The following POLR3C variants were observed in gnomAD, a reference collection of about 807,000 sequenced individuals.
POLR3C encodes the protein DNA-directed RNA polymerase III subunit RPC3.
POLR3C carries 44 observed loss-of-function variants against 65.9 expected under a neutral mutation model. The ratio of observed to expected loss-of-function variants is 0.67; its 90% CI spans 0.52 to 0.86. POLR3C has a LOEUF of 0.86. POLR3C is among the 40% of genes least tolerant of loss of function. The probability of loss-of-function intolerance (pLI) is 0.00; values close to 1 mark genes in which losing one functional copy is unlikely to be tolerated. For missense variants in POLR3C, 576 were observed against 653.2 expected, an observed-to-expected ratio of 0.88 and a Z score of 1.29; for synonymous variants, 263 against 231.6, an observed-to-expected ratio of 1.14 and a Z score of -1.23.
chr1:145,829,483 T>C (rs1651109789), intron 5 of POLR3C, among the ~76,000 whole-genome samples: 1 of 152,224 alleles, frequency 6.6e-6, no homozygotes, highest in South Asian at 2.1e-4. Context: ...GTTAATGGTC[T>C]CCCTAGCTGC....
chr1:145,836,372 A>T lies in POLR3C; in HGVS notation c.877-122A>T. The T allele has an allele frequency of 5.9e-6, 4 of 680,172 alleles. No individual in the cohort carries two copies. In the East Asian group the frequency reaches 1.0e-4, roughly 17 times the overall value. 42.1% of individuals were successfully genotyped at this position (680,172 alleles called of 1,614,324 possible). A position where few individuals can be genotyped will look rare whatever the true frequency, so the allele number is the denominator to read the frequency against. ...TGACCCAAAGTGATCCACCTGCCTC[A>T]GCCTCCCAAAGTGTTCGGATTACAG... On this transcript the variant is annotated intron_variant, in intron 7 of 14. Coordinates refer to ENST00000334163, the MANE Select transcript of POLR3C (RefSeq NM_006468.8).
intron 12 of POLR3C, 61 bp from the exon 13 acceptor site, chr1:145,840,055 T>C: frequency 6.6e-7 from 1 of 1,514,348 alleles, no homozygotes; most frequent in Non-Finnish European, 9.2e-7. Flanking sequence ...ATGTGCCCAC[T>C]TCGCCCTGAG....
At position 145,843,332 on chromosome 1, in the gene POLR3C, A is replaced by T. The variant is rs1354602014; in HGVS notation, c.*912A>T. On this transcript the variant is annotated 3_prime_UTR_variant, in exon 15 of 15. Transcript: ENST00000334163. The stretch of plus-strand genomic sequence containing the variant: ...TAAATTCTCTCTCTCAGTATCACGG[A>T]TATAATTTGTCCCAGCAGCTTTAAT... Among the ~76,000 whole-genome samples, 2 of 152,164 alleles carry T rather than the reference A, an allele frequency of 1.3e-5. No homozygotes were observed. Among genetic ancestry groups the T allele is most frequent in the Non-Finnish European group, 2.9e-5 (2 of 68,034 alleles).
chr1:145,842,416 A>C lies in POLR3C; in HGVS notation c.1601A>C (p.Gln534Pro). 1.3e-6 allele frequency: 2 copies of C among 1,597,826 alleles called. No individual in the cohort carries two copies. Among genetic ancestry groups the C allele is most frequent in the Non-Finnish European group, 1.7e-6 (2 of 1,165,746 alleles). ...TACATTGAGTGCACCATGAAGAGAC[A>C]GTGATCCAGAAGAAGCATCTTCCTC... ...ESYIECTMKR[Q>P] The change falls in exon 15 of 15, where the codon CAG (glutamine) becomes CCG (proline). Residue 534 changes from glutamine (Q) to proline (P), a missense_variant. Physicochemically the swap from Gln to Pro is moderately conservative, Grantham distance 76. Coordinates refer to ENST00000334163, the MANE Select transcript of POLR3C (RefSeq NM_006468.8).
intron 7 of POLR3C, among the ~76,000 whole-genome samples, chr1:145,834,159 T>C (rs764048021): frequency 5.6e-4 from 85 of 152,188 alleles, no homozygotes; most frequent in Non-Finnish European, 5.3e-4. Context: ...CTGTAGGCAG[T>C]TGTAACGCAG....
intron 5 of POLR3C, among the ~76,000 whole-genome samples, chr1:145,831,947 G>A (rs1651363426): frequency 6.6e-6 from 1 of 151,794 alleles, no homozygotes; most frequent in South Asian, 2.1e-4. Context: ...AGGCTGAGAT[G>A]AGAGGATCAC....
At chr1:145,830,491 T>G (rs1553726842) in intron 5 of POLR3C, among the ~76,000 whole-genome samples, 1 of 151,988 alleles carries the variant, frequency 6.6e-6, no homozygotes, top group African/African-American at 2.4e-5. Flanking sequence ...GATACCCAAG[T>G]TTGTAGCTTA....
intron 9 of POLR3C, 84 bp downstream of exon 9, chr1:145,836,950 T>A: frequency 1.4e-6 from 1 of 717,174 alleles, no homozygotes; most frequent in Non-Finnish European, 2.4e-6. Flanking sequence ...GATTTGGTAA[T>A]GTTTATTATA....
At chr1:145,831,207 A>G (rs1236470765) in intron 5 of POLR3C, among the ~76,000 whole-genome samples, 1 of 152,162 alleles carries the variant, frequency 6.6e-6, no homozygotes, top group Non-Finnish European at 1.5e-5. Context: ...GAGTCTATGC[A>G]TCTGGAGCAT....
chr1:145,833,635 A>C (rs1651538015), intron 7 of POLR3C, 53 bp downstream of exon 7: 1 of 1,176,056 alleles, frequency 8.5e-7, no homozygotes, highest in African/African-American at 1.5e-5. Flanking sequence ...GGTGTTATCA[A>C]CGTTTATTAT....
intron 4 of POLR3C, among the ~76,000 whole-genome samples, chr1:145,828,121 ATGTC>A (rs1476509343): frequency 6.6e-6 from 1 of 152,136 alleles, no homozygotes; most frequent in Non-Finnish European, 1.5e-5. Flanking sequence ...AAATGAAAGA[ATGTC>A]AGTATAGCTA....
At chr1:145,834,534 G>A (rs1416853814) in intron 7 of POLR3C, among the ~76,000 whole-genome samples, 2 of 151,910 alleles carry the variant, frequency 1.3e-5, no homozygotes, top group African/African-American at 4.8e-5. Flanking sequence ...AATTAGCCGG[G>A]CATGGTGGCA....
Position 145,827,931 on chromosome 1 carries a change from A to G in POLR3C, c.590-818A>G, listed in dbSNP as rs1209198138. On this transcript the variant is annotated intron_variant, in intron 4 of 14. Transcript: ENST00000334163. Reference sequence around the variant, plus strand: ...TGACAGAGTGAGACTCTGTCTCGGGAAAAAAAAAAGAAAAGAAAATATATA... The same window carrying G: ...TGACAGAGTGAGACTCTGTCTCGGGGAAAAAAAAAGAAAAGAAAATATATA... Among the ~76,000 whole-genome samples the G allele has an allele frequency of 4.0e-5, 6 of 149,102 alleles. No homozygotes were observed. In the South Asian group the frequency reaches 6.4e-4, roughly 16 times the overall value.
At chr1:145,827,858 A>G (rs1650913797) in intron 4 of POLR3C, among the ~76,000 whole-genome samples, 1 of 151,432 alleles carries the variant, frequency 6.6e-6, no homozygotes, top group African/African-American at 2.4e-5. Flanking sequence ...AACCCAGGAG[A>G]CAGCGATTGC....
At chr1:145,838,289 C>T in intron 11 of POLR3C, 83 bp downstream of exon 11, 1 of 1,069,020 alleles carries the variant, frequency 9.4e-7, no homozygotes. Flanking sequence ...CATACTGAAC[C>T]CCCAAGCAAA....
rs1553725621 is a variant in POLR3C at position 145,825,824 on chromosome 1, T to C, written c.48T>C (p.His16=). ...TCTGTTCTTTGTTGCTGCAAGAGCA[T>C]TTTGGAGAGATTGTAGAAAAAATTG... is the stretch of plus-strand genomic sequence containing the variant. ...IKLCSLLLQE[H]FGEIVEKIGV... The change falls in exon 2 of 15, where the codon CAT becomes CAC. Residue 16 remains histidine, a synonymous_variant. Transcript: ENST00000334163. 1 of 1,613,018 alleles carries C rather than the reference T, an allele frequency of 6.2e-7. No individual in the cohort carries two copies. The highest frequency in any genetic ancestry group is 1.1e-5 in the South Asian group (1 of 91,046).
intron 5 of POLR3C, among the ~76,000 whole-genome samples, chr1:145,832,958 G>C (rs1189868066): frequency 6.6e-6 from 1 of 152,148 alleles, no homozygotes; most frequent in Non-Finnish European, 1.5e-5. Context: ...AGAGGCAGAG[G>C]TTGCAGTGAG....
Position 145,842,572 on chromosome 1 carries a change from A to G in POLR3C, c.*152A>G. On this transcript the variant is annotated 3_prime_UTR_variant, in exon 15 of 15. Coordinates refer to ENST00000334163, the MANE Select transcript of POLR3C (RefSeq NM_006468.8). ...TGCAGCCCAGGATACACCTGAAAGA[A>G]TTTGGCATATTTAGATCCATTGCTG... The G allele has an allele frequency of 1.5e-6, 1 of 665,302 alleles. No homozygotes were observed. The highest frequency in any genetic ancestry group is 2.7e-6 in the Non-Finnish European group (1 of 369,290). 41.2% of individuals were successfully genotyped at this position (665,302 alleles called of 1,614,324 possible). A position where few individuals can be genotyped will look rare whatever the true frequency, so the allele number is the denominator to read the frequency against.
chr1:145,828,487 C>G (rs781938746), intron 4 of POLR3C, among the ~76,000 whole-genome samples: 2 of 152,146 alleles, frequency 1.3e-5, no homozygotes, highest in Non-Finnish European at 2.9e-5. Flanking sequence ...GTGTGTCTGA[C>G]TTGCACATGT....
Sources: allele counts gnomAD v4.1 joint callset (sites outside exome capture counted in the v4.1 genomes callset), GRCh38; gene constraint gnomAD v4.1.1; transcripts MANE v1.5; gene names NCBI Gene and HGNC (gene_info 2026-07-23, HGNC 2026-07-21).